Variants in PSD3 observed in about 807,000 individuals in gnomAD.
PSD3 encodes the protein pleckstrin and Sec7 domain containing 3.
PSD3 carries 49 observed loss-of-function variants against 105.5 expected under a neutral mutation model. That is an observed-to-expected ratio of 0.46 (90% CI 0.37 to 0.59). The LOEUF (loss-of-function observed/expected upper bound fraction) is 0.59, where lower values mean the gene tolerates loss of function less well. PSD3 is among the 20% of genes least tolerant of loss of function. PSD3 has a pLI of 0.00. For synonymous variants in PSD3, 557 were observed against 457.8 expected, an observed-to-expected ratio of 1.22 and a Z score of -2.77; for missense variants, 1,561 against 1,263.8, an observed-to-expected ratio of 1.24 and a Z score of -3.57.
intron 2 of PSD3, among the ~76,000 whole-genome samples, chr8:18,873,858 C>T (rs1389156328): frequency 6.6e-6 from 1 of 152,124 alleles, no homozygotes; most frequent in African/African-American, 2.4e-5. Context: ...ACGAAGAACC[C>T]CAATACACGA....
In PSD3 at chr8:18,703,869, A is replaced by G. The variant is rs34001417; in HGVS notation, c.2173-48184T>C. ...AATTTGTCCTGAAGTATATTTGACA[A>G]TGAATTTCACATTAACCAAAGTGCT... On this transcript the variant is annotated intron_variant, in intron 9 of 15. Transcript: ENST00000327040. Among the ~76,000 whole-genome samples, 876 of 152,332 alleles carry G rather than the reference A, an allele frequency of 5.8e-3. 8 individuals carry two copies. The highest frequency in any genetic ancestry group is 8.0e-3 in the Non-Finnish European group (545 of 68,018).
intron 8 of PSD3, among the ~76,000 whole-genome samples, chr8:18,789,355 C>T (rs1010384821): frequency 3.3e-5 from 5 of 152,048 alleles, no homozygotes; most frequent in Admixed American, 3.3e-4. Context: ...TTTACTAAGC[C>T]AAATATAAAA....
At chr8:19,083,018 G>A (rs1003717284) in intron 1 of PSD3, among the ~76,000 whole-genome samples, 7 of 152,304 alleles carry the variant, frequency 4.6e-5, no homozygotes, top group Admixed American at 6.5e-5. Context: ...AGGGCATGGT[G>A]TTTGGATGAC....
chr8:18,938,829 T>A (rs1188997404), intron 1 of PSD3, among the ~76,000 whole-genome samples: 1 of 152,072 alleles, frequency 6.6e-6, no homozygotes, highest in East Asian at 1.9e-4. Flanking sequence ...CTAAATAACT[T>A]TTCCAAAGAT....
At position 19,031,427 on chromosome 8, in the gene PSD3, C is replaced by G. The variant is rs180945261; in HGVS notation, c.324+52779G>C. Among the ~76,000 whole-genome samples, 5 of 152,264 alleles carry G rather than the reference C, an allele frequency of 3.3e-5. No homozygotes were observed. The East Asian group carries it at 9.6e-4, about 29-fold the overall frequency. On this transcript the variant is annotated intron_variant, in intron 1 of 1. Transcript: ENST00000521475. ...TTGAAAGCATTTATCAGTTTAATAA[C>G]ATTTGGCATACTACTTTGTGGAGAA...
At chr8:18,677,989 A>G (rs746890459) in intron 9 of PSD3, among the ~76,000 whole-genome samples, 193 of 145,754 alleles carry the variant, frequency 1.3e-3, no homozygotes, top group Middle Eastern at 3.5e-3. Context: ...CAGCCTGGGC[A>G]GCAGAGCGAG....
intron 9 of PSD3, chr8:18,763,166 T>C (rs1298760024): frequency 7.3e-6 from 3 of 411,240 alleles, no homozygotes; most frequent in South Asian, 5.4e-5. Flanking sequence ...TTGAACCAAA[T>C]TAATCTAAAA....
intron 11 of PSD3, among the ~76,000 whole-genome samples, chr8:18,631,145 T>C: frequency 6.6e-6 from 1 of 152,004 alleles, no homozygotes; most frequent in Admixed American, 6.6e-5. Context: ...TGGGCAGGCA[T>C]GTTACAGAGA....
At chr8:18,631,806 A>G (rs1354406763) in intron 11 of PSD3, among the ~76,000 whole-genome samples, 1 of 151,972 alleles carries the variant, frequency 6.6e-6, no homozygotes, top group Non-Finnish European at 1.5e-5. Flanking sequence ...ATGTAAGCTA[A>G]TAGAATATGC....
intron 6 of PSD3, 82 bp from the exon 7 acceptor site, chr8:18,801,464 A>G: frequency 2.7e-6 from 2 of 747,266 alleles, no homozygotes; most frequent in Admixed American, 5.3e-5. Context: ...CAATTTATAT[A>G]AACCTAAGAT....
chr8:18,771,919 G>C lies in PSD3; in HGVS notation c.2083-6381C>G, dbSNP rs190073457. Among the ~76,000 whole-genome samples, 5 of 152,156 alleles carry C rather than the reference G, an allele frequency of 3.3e-5. No homozygotes were observed. The East Asian group carries it at 9.6e-4, about 29-fold the overall frequency. ...TTCATGCCAGCCACTTGTAACCAACGTTCTACTTTCTGTTTATATGAATTT... is the reference window on the plus strand; with the variant it reads ...TTCATGCCAGCCACTTGTAACCAACCTTCTACTTTCTGTTTATATGAATTT... On this transcript the variant is annotated intron_variant, in intron 8 of 15. Transcript: ENST00000327040.
intron 4 of PSD3, among the ~76,000 whole-genome samples, chr8:18,819,701 C>A (rs1269381796): frequency 6.6e-6 from 1 of 151,426 alleles, no homozygotes; most frequent in Non-Finnish European, 1.5e-5. Context: ...ACCTCAGCCT[C>A]CTGAGTAGCT....
At chr8:18,789,966 C>T (rs920803129) in intron 8 of PSD3, among the ~76,000 whole-genome samples, 1 of 152,136 alleles carries the variant, frequency 6.6e-6, no homozygotes, top group African/African-American at 2.4e-5. Context: ...TATGAGGTCC[C>T]TCAATAAGCC....
chr8:18,630,649 AT>A (rs2130759604), intron 11 of PSD3, among the ~76,000 whole-genome samples: 1 of 151,960 alleles, frequency 6.6e-6, no homozygotes, highest in Non-Finnish European at 1.5e-5. Flanking sequence ...CTTTTCTTGA[AT>A]TGAAATTATT....
At chr8:18,882,079 G>A (rs929333426) in intron 2 of PSD3, among the ~76,000 whole-genome samples, 1 of 152,000 alleles carries the variant, frequency 6.6e-6, no homozygotes, top group Non-Finnish European at 1.5e-5. Flanking sequence ...GTGGTGGTGT[G>A]TGCCTGTGCT....
At chr8:18,631,293 C>G (rs1384434410) in intron 11 of PSD3, among the ~76,000 whole-genome samples, 1 of 152,018 alleles carries the variant, frequency 6.6e-6, no homozygotes, top group Non-Finnish European at 1.5e-5. Context: ...AACTCCCATT[C>G]TCTGAGACCA....
chr8:18,877,530 G>C (rs1202637449), intron 2 of PSD3, among the ~76,000 whole-genome samples: 3 of 147,502 alleles, frequency 2.0e-5, no homozygotes, highest in Non-Finnish European at 3.0e-5. Flanking sequence ...CATTGAGCTA[G>C]ATGCCTATCT....
At chr8:18,746,319 C>A (rs1229311022) in intron 9 of PSD3, among the ~76,000 whole-genome samples, 3 of 152,170 alleles carry the variant, frequency 2.0e-5, no homozygotes, top group African/African-American at 7.2e-5. Flanking sequence ...GGAACCCCCT[C>A]CCTCCCCTGC....
chr8:18,786,103 C>G (rs1809121666), intron 8 of PSD3, among the ~76,000 whole-genome samples: 2 of 152,158 alleles, frequency 1.3e-5, no homozygotes, highest in African/African-American at 2.4e-5. Flanking sequence ...GCTCGGGAGG[C>G]TGAGGCAGGA....
Sources: gnomAD v4.1 joint callset for allele counts (sites outside exome capture counted in the v4.1 genomes callset) on GRCh38, gnomAD v4.1.1 for gene constraint, MANE v1.5 for transcripts, NCBI Gene and HGNC (gene_info 2026-07-23, HGNC 2026-07-21) for gene names.